Variants in CSMD1 observed in about 807,000 individuals in gnomAD.
CSMD1 encodes the protein CUB and sushi domain-containing protein 1.
CSMD1 carries 213 observed loss-of-function variants against 417.5 expected under a neutral mutation model. The observed-to-expected ratio is 0.51, with a 90% CI of 0.46 to 0.57. The LOEUF is 0.57. CSMD1 is among the 20% of genes least tolerant of loss of function. The probability of loss-of-function intolerance (pLI) is 0.00; values close to 1 mark genes in which losing one functional copy is unlikely to be tolerated. For synonymous variants in CSMD1, 2,862 were observed against 1,736.8 expected (o/e 1.65, Z -16.11); for missense variants, 6,923 against 4,529.7 (o/e 1.53, Z -15.17).
chr8:3,780,755 G>A (rs1799133394), intron 5 of CSMD1, among the ~76,000 whole-genome samples: 1 of 152,110 alleles, frequency 6.6e-6, no homozygotes, highest in Non-Finnish European at 1.5e-5. Flanking sequence ...AATCTCTTGG[G>A]TGACATTCTT....
chr8:3,512,713 A>G lies in CSMD1; in HGVS notation c.1345-18987T>C, dbSNP rs149885900. Among the ~76,000 whole-genome samples the G allele has an allele frequency of 6.9e-3, 1,045 of 150,952 alleles. 14 individuals carry two copies. The highest frequency in any genetic ancestry group is 0.024 in the African/African-American group (994 of 41,036). ...AACCTCTGCCTCCTGGGTTCAAGCA[A>G]TTCTCCTGCCTCAGCTTCCCAAGTA... On this transcript the variant is annotated intron_variant, in intron 10 of 69. Coordinates refer to ENST00000635120, the MANE Select transcript of CSMD1 (RefSeq NM_033225.6).
intron 5 of CSMD1, among the ~76,000 whole-genome samples, chr8:3,784,485 A>T (rs968789176): frequency 6.6e-6 from 1 of 152,174 alleles, no homozygotes; most frequent in East Asian, 1.9e-4. Context: ...ACTTCTAGGG[A>T]TGGGCACTTA....
At chr8:3,416,225 C>G (rs911659454) in intron 12 of CSMD1, among the ~76,000 whole-genome samples, 9 of 146,800 alleles carry the variant, frequency 6.1e-5, no homozygotes, top group African/African-American at 2.0e-4. Flanking sequence ...TGGTGTGAAC[C>G]TAGTAGGCTG....
intron 5 of CSMD1, among the ~76,000 whole-genome samples, chr8:3,762,016 G>A (rs1350040110): frequency 6.6e-6 from 1 of 151,974 alleles, no homozygotes; most frequent in Non-Finnish European, 1.5e-5. Flanking sequence ...TCTAGCCACG[G>A]CCTTTAGCTT....
chr8:3,709,570 T>C (rs1459852973), intron 6 of CSMD1, among the ~76,000 whole-genome samples: 1 of 150,394 alleles, frequency 6.6e-6, no homozygotes, highest in Non-Finnish European at 1.5e-5. Context: ...CTCCCCAGTG[T>C]GGGTGGGCCT....
At chr8:4,363,306 T>A (rs565189893) in intron 3 of CSMD1, among the ~76,000 whole-genome samples, 1 of 152,182 alleles carries the variant, frequency 6.6e-6, no homozygotes, top group Non-Finnish European at 1.5e-5. Context: ...CTGCCCGTCA[T>A]GAAATTCTAT....
intron 5 of CSMD1, among the ~76,000 whole-genome samples, chr8:3,832,102 A>T (rs76981836): frequency 0.015 from 2,296 of 152,206 alleles, 52 homozygotes; most frequent in African/African-American, 0.051. Flanking sequence ...ATCCTGCCTT[A>T]TGTGCATGTG....
chr8:4,189,454 T>C (rs1362997232), intron 3 of CSMD1, among the ~76,000 whole-genome samples: 1 of 152,236 alleles, frequency 6.6e-6, no homozygotes, highest in Non-Finnish European at 1.5e-5. Context: ...CAAAGTATGT[T>C]TGCAGAAAAG....
intron 54 of CSMD1, among the ~76,000 whole-genome samples, chr8:2,996,884 T>C (rs562837178): frequency 6.6e-6 from 1 of 152,236 alleles, no homozygotes; most frequent in Non-Finnish European, 1.5e-5. Context: ...TCAGTAACCA[T>C]GTTCCTCTCT....
intron 1 of CSMD1, among the ~76,000 whole-genome samples, chr8:4,759,916 G>C (rs1196679817): frequency 6.6e-6 from 1 of 152,074 alleles, no homozygotes; most frequent in African/African-American, 2.4e-5. Context: ...ATATTTCTTT[G>C]GGTATATACC....
intron 7 of CSMD1, among the ~76,000 whole-genome samples, chr8:3,647,240 G>C (rs887603138): frequency 2.6e-5 from 4 of 152,104 alleles, no homozygotes; most frequent in East Asian, 1.9e-4. Context: ...CTTCAGCAAG[G>C]GATGAGTAAC....
intron 3 of CSMD1, among the ~76,000 whole-genome samples, chr8:4,412,183 C>T (rs1315208988): frequency 3.9e-5 from 6 of 152,124 alleles, no homozygotes; most frequent in South Asian, 2.1e-4. Context: ...TATCTGTCAA[C>T]GTGCAAACCT....
chr8:3,399,196 T>C (rs1170647580), intron 16 of CSMD1, among the ~76,000 whole-genome samples, 195 bp downstream of exon 16: 2 of 152,156 alleles, frequency 1.3e-5, no homozygotes, highest in East Asian at 3.9e-4. Context: ...CTCCAGAGCA[T>C]TGGCTCACTG....
intron 5 of CSMD1, among the ~76,000 whole-genome samples, chr8:3,772,772 C>A (rs1026014122): frequency 6.6e-6 from 1 of 150,948 alleles, no homozygotes; most frequent in African/African-American, 2.4e-5. Context: ...GAACGAATGT[C>A]TGGTCTATAA....
chr8:4,887,979 G>C (rs1165695977), intron 1 of CSMD1, among the ~76,000 whole-genome samples: 2 of 151,924 alleles, frequency 1.3e-5, no homozygotes, highest in African/African-American at 2.4e-5. Flanking sequence ...TTAAAATCCA[G>C]TCTAACAATA....
At chr8:3,475,820 G>A (rs907201666) in intron 11 of CSMD1, among the ~76,000 whole-genome samples, 1 of 152,142 alleles carries the variant, frequency 6.6e-6, no homozygotes, top group African/African-American at 2.4e-5. Context: ...TTACAACTAG[G>A]GCACTTTGTG....
In CSMD1 at chr8:4,156,649, G is replaced by C. The variant is rs186164705; in HGVS notation, c.416-124550C>G. Among the ~76,000 whole-genome samples, 121 of 152,182 alleles carry C rather than the reference G, an allele frequency of 8.0e-4. 3 individuals carry two copies. The highest frequency in any genetic ancestry group is 2.9e-3 in the African/African-American group (119 of 41,498). ...AGTTTTTGCTATTTGGTGATACCAG[G>C]TACCCATCTGCTTGTGATTTAAGAT... is the stretch of plus-strand genomic sequence containing the variant. On this transcript the variant is annotated intron_variant, in intron 3 of 69. Coordinates refer to ENST00000635120, the MANE Select transcript of CSMD1 (RefSeq NM_033225.6).
intron 1 of CSMD1, among the ~76,000 whole-genome samples, chr8:4,760,369 G>A (rs1397815874): frequency 6.6e-6 from 1 of 152,136 alleles, no homozygotes; most frequent in Non-Finnish European, 1.5e-5. Context: ...TCGAGGACAT[G>A]TCTGCTGCAC....
chr8:4,194,505 A>G (rs919677160), intron 3 of CSMD1, among the ~76,000 whole-genome samples: 1 of 152,204 alleles, frequency 6.6e-6, no homozygotes, highest in Admixed American at 6.5e-5. Context: ...TATCATGTAA[A>G]TAATGCCAGG....
Sources: gnomAD v4.1 joint callset for allele counts (sites outside exome capture counted in the v4.1 genomes callset) on GRCh38, gnomAD v4.1.1 for gene constraint, MANE v1.5 for transcripts, NCBI Gene and HGNC (gene_info 2026-07-23, HGNC 2026-07-21) for gene names.